Variants in NAALADL2 observed in about 807,000 individuals in gnomAD.
NAALADL2 encodes the protein N-acetylated alpha-linked acidic dipeptidase like 2.
NAALADL2 carries 76 observed loss-of-function variants against 87.2 expected under a neutral mutation model. The observed-to-expected ratio is 0.87, with a 90% confidence interval of 0.72 to 1.05. The LOEUF (loss-of-function observed/expected upper bound fraction) is 1.05, where lower values mean the gene tolerates loss of function less well. Among genes scored for constraint, NAALADL2 ranks in the 50% least tolerant of loss-of-function variants. NAALADL2 has a pLI of 0.00. For missense variants in NAALADL2, 1,089 were observed against 945.8 expected, an observed-to-expected ratio of 1.15 and a Z score of -1.99; for synonymous variants, 354 against 331.0, an observed-to-expected ratio of 1.07 and a Z score of -0.75.
At chr3:175,598,424 A>G (rs1394066541) in intron 10 of NAALADL2, among the ~76,000 whole-genome samples, 1 of 151,904 alleles carries the variant, frequency 6.6e-6, no homozygotes, top group Non-Finnish European at 1.5e-5. Flanking sequence ...GGTTCAGGTA[A>G]TTCCATTTTC....
chr3:174,975,804 A>G (rs943101415), intron 1 of NAALADL2, among the ~76,000 whole-genome samples: 2 of 152,176 alleles, frequency 1.3e-5, no homozygotes, highest in Non-Finnish European at 2.9e-5. Flanking sequence ...ACAGCTAGCA[A>G]AACATTGAAG....
chr3:174,979,538 C>T (rs1256265543), intron 1 of NAALADL2, among the ~76,000 whole-genome samples: 1 of 151,822 alleles, frequency 6.6e-6, no homozygotes, highest in African/African-American at 2.4e-5. Flanking sequence ...ATCTGCTGGC[C>T]TCGTGATCCG....
At chr3:174,757,318 G>C (rs1467845267) in intron 3 of NAALADL2, among the ~76,000 whole-genome samples, 1 of 152,158 alleles carries the variant, frequency 6.6e-6, no homozygotes, top group East Asian at 1.9e-4. Flanking sequence ...GGCTGAGGTA[G>C]CCAATGAGCA....
At chr3:174,521,766 G>GA (rs2108414128) in intron 1 of NAALADL2, among the ~76,000 whole-genome samples, 1 of 152,094 alleles carries the variant, frequency 6.6e-6, no homozygotes, top group East Asian at 1.9e-4. Flanking sequence ...TGAATTCATA[G>GA]ACAATGGGAC....
chr3:174,902,396 C>T (rs1732422999), intron 1 of NAALADL2, among the ~76,000 whole-genome samples: 1 of 151,992 alleles, frequency 6.6e-6, no homozygotes, highest in South Asian at 2.1e-4. Context: ...TAAATCTCTT[C>T]TCCACCCGGT....
At chr3:174,768,746 T>C (rs479364) in intron 3 of NAALADL2, among the ~76,000 whole-genome samples, 79,876 of 151,922 alleles carry the variant, frequency 0.53, 21,399 homozygotes, top group Middle Eastern at 0.64. Flanking sequence ...AAATAGTTCT[T>C]TTAATTATTG....
chr3:175,111,100 A>G (rs894100535), intron 2 of NAALADL2, among the ~76,000 whole-genome samples: 2 of 151,724 alleles, frequency 1.3e-5, no homozygotes, highest in Non-Finnish European at 2.9e-5. Flanking sequence ...AGAAATGACT[A>G]TTCAGCTATT....
At chr3:174,831,209 G>T (rs896507765) in intron 3 of NAALADL2, among the ~76,000 whole-genome samples, 3 of 151,818 alleles carry the variant, frequency 2.0e-5, no homozygotes, top group African/African-American at 7.3e-5. Context: ...AATGCTTCCA[G>T]CTTTTGCCCA....
chr3:174,862,018 G>A (rs1726568990), intron 1 of NAALADL2, among the ~76,000 whole-genome samples: 1 of 151,856 alleles, frequency 6.6e-6, no homozygotes, highest in Non-Finnish European at 1.5e-5. Flanking sequence ...CCAATGACAA[G>A]GTAACCCCAG....
intron 11 of NAALADL2, among the ~76,000 whole-genome samples, chr3:175,690,073 A>G (rs1273309114): frequency 6.6e-6 from 1 of 152,084 alleles, no homozygotes; most frequent in Admixed American, 6.6e-5. Context: ...ACATATAGAG[A>G]GTATAGATAT....
intron 2 of NAALADL2, among the ~76,000 whole-genome samples, chr3:174,678,859 G>T (rs955287397): frequency 6.6e-6 from 1 of 152,132 alleles, no homozygotes; most frequent in Non-Finnish European, 1.5e-5. Flanking sequence ...AATCACAGAC[G>T]TTGGTCAATT....
At chr3:175,800,500 TTC>T (rs1261720507) in intron 13 of NAALADL2, among the ~76,000 whole-genome samples, 2 of 152,114 alleles carry the variant, frequency 1.3e-5, no homozygotes, top group Non-Finnish European at 2.9e-5. Context: ...ATTTAAATTT[TTC>T]TGTCTTGAAC....
At chr3:174,941,418 A>G (rs929597596) in intron 1 of NAALADL2, among the ~76,000 whole-genome samples, 2 of 152,170 alleles carry the variant, frequency 1.3e-5, no homozygotes, top group African/African-American at 2.4e-5. Flanking sequence ...ATATCAAATT[A>G]TGTGGCTGAT....
chr3:175,447,289 C>T lies in NAALADL2; in HGVS notation c.1151C>T (p.Ala384Val). 1.2e-6 allele frequency: 2 copies of T among 1,607,526 alleles called. No homozygotes were observed. The highest frequency in any genetic ancestry group is 2.2e-5 in the South Asian group (2 of 89,978). The change falls in exon 6 of 14, where the codon GCA becomes GTA. Residue 384 changes from alanine (A) to valine (V), a missense_variant. Coordinates refer to ENST00000454872, the MANE Select transcript of NAALADL2 (RefSeq NM_207015.3). ...TCTCTATTAGTGCAGCCCATCTCTG[C>T]ACCCCTCGTTGCAAAACTGATCTCT... is the stretch of plus-strand genomic sequence containing the variant. ...LTSLLVQPIS[A>V]PLVAKLISSP...
intron 1 of NAALADL2, among the ~76,000 whole-genome samples, chr3:174,939,785 C>T (rs1044676338): frequency 1.3e-5 from 2 of 151,734 alleles, no homozygotes; most frequent in South Asian, 4.2e-4. Context: ...ATGAGATTAA[C>T]TTTCTGATTT....
At chr3:175,181,024 G>C (rs1451303082) in intron 2 of NAALADL2, among the ~76,000 whole-genome samples, 2 of 152,020 alleles carry the variant, frequency 1.3e-5, no homozygotes, top group Non-Finnish European at 2.9e-5. Context: ...CCATCTTGAT[G>C]TATGTCCAAG....
intron 5 of NAALADL2, among the ~76,000 whole-genome samples, chr3:175,434,203 A>C (rs1718248189): frequency 6.6e-6 from 1 of 152,022 alleles, no homozygotes; most frequent in South Asian, 2.1e-4. Flanking sequence ...ATGTAACTAC[A>C]AAGAGCCTCT....
At chr3:174,870,007 C>CAA (rs71624295) in intron 1 of NAALADL2, among the ~76,000 whole-genome samples, 101 of 62,554 alleles carry the variant, frequency 1.6e-3, no homozygotes, top group African/African-American at 3.5e-3. Flanking sequence ...CCCCACCCGC[C>CAA]AAAAAAAAAA....
At chr3:174,987,568 CAAAA>C (rs1159602995) in intron 1 of NAALADL2, among the ~76,000 whole-genome samples, 1 of 20,840 alleles carries the variant, frequency 4.8e-5, no homozygotes, top group Non-Finnish European at 1.4e-4. Flanking sequence ...GACTCCGTCT[CAAAA>C]AAAAAAAAAA....
Sources: allele counts gnomAD v4.1 joint callset (sites outside exome capture counted in the v4.1 genomes callset), GRCh38; gene constraint gnomAD v4.1.1; transcripts MANE v1.5; gene names NCBI Gene and HGNC (gene_info 2026-07-23, HGNC 2026-07-21).